Variants in MTUS1 observed in about 807,000 individuals in gnomAD.
MTUS1 encodes the protein microtubule associated scaffold protein 1.
MTUS1 carries 109 observed loss-of-function variants against 120.8 expected under a neutral mutation model. The observed-to-expected ratio is 0.90, with a 90% CI of 0.77 to 1.06. The LOEUF (loss-of-function observed/expected upper bound fraction) is 1.06, where lower values mean the gene tolerates loss of function less well. Ranked by LOEUF, MTUS1 falls within the 50% of genes least tolerant of loss-of-function variation. The probability of loss-of-function intolerance (pLI) is 0.00; values close to 1 mark genes in which losing one functional copy is unlikely to be tolerated. For synonymous variants in MTUS1, 737 were observed against 550.5 expected (o/e 1.34, Z -4.74); for missense variants, 2,210 against 1,486.3 (o/e 1.49, Z -8.01).
intron 6 of MTUS1, among the ~76,000 whole-genome samples, chr8:17,703,256 A>T (rs1021121101): frequency 2.6e-5 from 4 of 152,150 alleles, no homozygotes; most frequent in Non-Finnish European, 5.9e-5. Context: ...AGCAAGGAAT[A>T]TAATATTAAG....
intron 1 of MTUS1, among the ~76,000 whole-genome samples, chr8:17,776,361 C>T (rs920421535): frequency 1.3e-5 from 2 of 151,748 alleles, no homozygotes; most frequent in Non-Finnish European, 2.9e-5. Flanking sequence ...GGTAACAATC[C>T]CTGCAGAGAC....
chr8:17,797,386 C>T (rs1340600599), intron 1 of MTUS1, among the ~76,000 whole-genome samples: 1 of 151,966 alleles, frequency 6.6e-6, no homozygotes, highest in Non-Finnish European at 1.5e-5. Flanking sequence ...GTATTCCAGC[C>T]TGGGTGACAC....
chr8:17,784,957 G>C (rs1305299729), intron 1 of MTUS1, among the ~76,000 whole-genome samples: 1 of 151,828 alleles, frequency 6.6e-6, no homozygotes, highest in African/African-American at 2.4e-5. Context: ...GCTAATTTTT[G>C]TATTTTTTGT....
At chr8:17,653,791 C>T (rs1047025314) in intron 10 of MTUS1, 15 of 295,674 alleles carry the variant, frequency 5.1e-5, no homozygotes, top group African/African-American at 2.8e-4. Flanking sequence ...TCAGGGCAGG[C>T]TCTCATAAAT....
chr8:17,779,694 T>C (rs540056877), intron 1 of MTUS1, among the ~76,000 whole-genome samples: 1 of 152,330 alleles, frequency 6.6e-6, no homozygotes, highest in South Asian at 2.1e-4. Flanking sequence ...TCAGAGGCCC[T>C]ACTCTATCTT....
intron 6 of MTUS1, among the ~76,000 whole-genome samples, chr8:17,687,155 A>C (rs1368447192): frequency 6.6e-6 from 1 of 152,090 alleles, no homozygotes; most frequent in Non-Finnish European, 1.5e-5. Flanking sequence ...TTAAAATGAG[A>C]GCAAATGAGC....
rs189854647 is a variant in MTUS1, at chr8:17,774,475, C to T, written c.-154-18514G>A. On this transcript the variant is annotated intron_variant, in intron 1 of 14. Coordinates refer to ENST00000693296, the MANE Select transcript of MTUS1 (RefSeq NM_001363059.2). ...AGAAAAGGAAGCGGAGGTGATGCCA[C>T]CAGGCATTGGGGTGAATCTCATGAG... is the stretch of plus-strand genomic sequence containing the variant. Among the ~76,000 whole-genome samples the T allele has an allele frequency of 2.6e-5, 4 of 152,306 alleles. No individual in the cohort carries two copies. The East Asian group carries it at 7.7e-4, about 29-fold the overall frequency.
intron 3 of MTUS1, among the ~76,000 whole-genome samples, chr8:17,726,565 C>A (rs545286523): frequency 6.6e-6 from 1 of 152,110 alleles, no homozygotes; most frequent in Non-Finnish European, 1.5e-5. Flanking sequence ...TGTGTTCTCC[C>A]ATCATCTATA....
chr8:17,786,712 G>A (rs541026796), intron 1 of MTUS1, among the ~76,000 whole-genome samples: 2 of 152,296 alleles, frequency 1.3e-5, no homozygotes, highest in South Asian at 4.1e-4. Context: ...GTAGTTGAGA[G>A]ACTGGCTGGG....
chr8:17,782,761 T>C (rs1586380274), intron 1 of MTUS1, among the ~76,000 whole-genome samples: 3 of 152,258 alleles, frequency 2.0e-5, no homozygotes, highest in South Asian at 2.1e-4. Flanking sequence ...CCCAGGTTTC[T>C]ACTGGCAACA....
rs1403008539 is a variant in MTUS1, at chr8:17,743,606, G to A, written c.2285C>T (p.Ser762Phe). The A allele has an allele frequency of 3.1e-6, 5 of 1,613,138 alleles. No individual in the cohort carries two copies. Among genetic ancestry groups the A allele is most frequent in the Non-Finnish European group, 4.2e-6 (5 of 1,179,554 alleles). Reference sequence around the variant, plus strand: ...CTATTGAACTATTTTATTCTTACCAGAACTGGACACACGCCTGATCCTCTG... The same window carrying A: ...CTATTGAACTATTTTATTCTTACCAAAACTGGACACACGCCTGATCCTCTG... ...SPQRIRRVSSSGKPTSLKTAQ... is the reference protein window; with the variant it reads ...SPQRIRRVSSFGKPTSLKTAQ... Residue 762 changes from serine (S) to phenylalanine (F), a missense_variant and splice_region_variant, in exon 3 of 15, where the codon TCT becomes TTT. Transcript: ENST00000693296.
chr8:17,727,983 A>T (rs535907491), intron 3 of MTUS1, among the ~76,000 whole-genome samples: 4 of 152,306 alleles, frequency 2.6e-5, no homozygotes, highest in African/African-American at 9.6e-5. Flanking sequence ...AGAAAACCTG[A>T]GTAAGTATAC....
In MTUS1 at chr8:17,753,793, TTTTC is replaced by T; in HGVS notation, c.2011_2014del (p.Glu671MetfsTer10). The T allele has an allele frequency of 3.1e-6, 5 of 1,613,846 alleles. No individual in the cohort carries two copies. The highest frequency in any genetic ancestry group is 4.2e-6 in the Non-Finnish European group (5 of 1,179,940). The stretch of plus-strand genomic sequence containing the variant: ...CTCTTGTTTTTCCATAGATGTCCCA[TTTTC>T]TTTTTCACCCTTCTTTTCAGGGCTA... On this transcript the variant is annotated frameshift_variant, in exon 2 of 15. Transcript: ENST00000693296. LOFTEE classifies it high-confidence loss of function.
chr8:17,714,451 G>A (rs1019877787), intron 5 of MTUS1, among the ~76,000 whole-genome samples: 1 of 151,968 alleles, frequency 6.6e-6, no homozygotes, highest in African/African-American at 2.4e-5. Context: ...CCTCCTTCTG[G>A]GATATCCACA....
At chr8:17,736,800 G>A (rs1028260728) in intron 3 of MTUS1, among the ~76,000 whole-genome samples, 2 of 152,058 alleles carry the variant, frequency 1.3e-5, no homozygotes, top group Non-Finnish European at 2.9e-5. Flanking sequence ...GGCCAGGCTG[G>A]TCTCGAACTT....
At chr8:17,712,746 T>C (rs1223159158) in intron 6 of MTUS1, among the ~76,000 whole-genome samples, 1 of 152,102 alleles carries the variant, frequency 6.6e-6, no homozygotes, top group Non-Finnish European at 1.5e-5. Flanking sequence ...GACATAAAGT[T>C]TTGGATTCTC....
At chr8:17,798,852 A>G (rs2052463418) in intron 1 of MTUS1, among the ~76,000 whole-genome samples, 1 of 152,232 alleles carries the variant, frequency 6.6e-6, no homozygotes, top group African/African-American at 2.4e-5. Flanking sequence ...AAAGGCTCTT[A>G]TGAATTAATG....
intron 3 of MTUS1, among the ~76,000 whole-genome samples, chr8:17,738,249 C>A (rs1050155543): frequency 3.3e-5 from 5 of 152,182 alleles, no homozygotes; most frequent in African/African-American, 1.2e-4. Context: ...GCCTTTTCCC[C>A]ACCCATCACC....
chr8:17,676,268 C>T, intron 7 of MTUS1: 1 of 703,064 alleles, frequency 1.4e-6, no homozygotes, highest in Admixed American at 2.0e-5. Context: ...TAAACAAATA[C>T]TAATTACCCT....
Sources: allele counts gnomAD v4.1 joint callset (sites outside exome capture counted in the v4.1 genomes callset), GRCh38; gene constraint gnomAD v4.1.1; transcripts MANE v1.5; gene names NCBI Gene and HGNC (gene_info 2026-07-23, HGNC 2026-07-21).